The following ZCCHC4 variants were observed in gnomAD, a reference collection of about 807,000 sequenced individuals.
ZCCHC4 encodes the protein zinc finger CCHC-type containing 4, also known as rRNA N(6)-adenosine-methyltransferase ZCCHC4.
Under a neutral mutation model 67.7 loss-of-function variants are expected in ZCCHC4, and 54 were observed. The observed-to-expected ratio is 0.80, with a 90% CI of 0.64 to 1.00. ZCCHC4 has a LOEUF of 1.00. Ranked by LOEUF, ZCCHC4 falls within the 50% of genes least tolerant of loss-of-function variation. ZCCHC4 has a pLI of 0.00. For synonymous variants in ZCCHC4, 198 were observed against 213.5 expected (o/e 0.93, Z 0.63); for missense variants, 609 against 617.0 (o/e 0.99, Z 0.14).
chr4:25,343,223 A>G (rs918931089), intron 5 of ZCCHC4, among the ~76,000 whole-genome samples: 1 of 152,188 alleles, frequency 6.6e-6, no homozygotes, highest in Non-Finnish European at 1.5e-5. Flanking sequence ...TCATTAGGTT[A>G]CGGTATATAG....
chr4:25,365,777 T>C, intron 12 of ZCCHC4: 1 of 985,442 alleles, frequency 1.0e-6, no homozygotes, highest in Non-Finnish European at 1.2e-6. Context: ...GACAATAGCT[T>C]ATTTAGAAGA....
rs1265102093 is a variant in ZCCHC4 at position 25,315,332 on chromosome 4, A to C, written c.261A>C (p.Arg87Ser). Residue 87 changes from arginine (R) to serine (S), a missense_variant, in exon 3 of 13, where the codon AGA (arginine) becomes AGC (serine). Physicochemically the swap from Arg to Ser is moderately radical, Grantham distance 110. Transcript: ENST00000302874. The part of the protein sequence containing the change: ...QWEDEKLSGA[R>S]LAAREAHNRR... ...CTCTCTTTCAGTTGTCAGGAGCTAGACTTGCTGCCCGAGAAGCTCATAACC... is the reference window on the plus strand; with the variant it reads ...CTCTCTTTCAGTTGTCAGGAGCTAGCCTTGCTGCCCGAGAAGCTCATAACC... 13 of 1,612,718 alleles carry C rather than the reference A, an allele frequency of 8.1e-6. No homozygotes were observed. Among genetic ancestry groups the C allele is most frequent in the Non-Finnish European group, 1.1e-5 (13 of 1,179,268 alleles).
At chr4:25,350,892 A>C (rs548820316) in intron 7 of ZCCHC4, among the ~76,000 whole-genome samples, 1 of 152,246 alleles carries the variant, frequency 6.6e-6, no homozygotes, top group East Asian at 1.9e-4. Flanking sequence ...CAGTTTCCCT[A>C]TCTGTAAAAT....
chr4:25,349,596 T>A lies in ZCCHC4; in HGVS notation c.864T>A (p.Ile288=). The A allele has an allele frequency of 6.2e-7, 1 of 1,613,990 alleles. No individual in the cohort carries two copies. The highest frequency in any genetic ancestry group is 8.5e-7 in the Non-Finnish European group (1 of 1,179,888). ...PFGGLVEPLA[I]TFKKLIAMWK... ...GTGGCTTGGTTGAACCTCTGGCTAT[T>A]ACATTCAAGAAGTTAATTGCTATGT... The change falls in exon 7 of 13, where the codon ATT becomes ATA. Residue 288 remains isoleucine, a synonymous_variant. Transcript: ENST00000302874.
chr4:25,351,714 G>T, intron 8 of ZCCHC4, 25 bp downstream of exon 8: 1 of 1,550,856 alleles, frequency 6.4e-7, no homozygotes, highest in Non-Finnish European at 8.8e-7. Flanking sequence ...CTGTTTTCTG[G>T]CATGGTTGGG....
In ZCCHC4 at chr4:25,369,156, G is replaced by A. The variant is rs1721055096; in HGVS notation, c.1534G>A (p.Gly512Ser). The A allele has an allele frequency of 6.2e-7, 1 of 1,610,678 alleles. No homozygotes were observed. Among genetic ancestry groups the A allele is most frequent in the Non-Finnish European group, 8.5e-7 (1 of 1,179,242 alleles). ...KRRERAHQYL[G>S]S is the part of the protein sequence containing the mutation. Reference sequence around the variant, plus strand: ...GAGGGAAAGAGCCCATCAATATCTTGGCTCTTAAATGTCCAGTGACTGGAG... The same window carrying A: ...GAGGGAAAGAGCCCATCAATATCTTAGCTCTTAAATGTCCAGTGACTGGAG... The change falls in exon 13 of 13, where the codon GGC (glycine) becomes AGC (serine). Residue 512 changes from glycine (G) to serine (S), a missense_variant. Physicochemically the swap from Gly to Ser is moderately conservative, Grantham distance 56. Transcript: ENST00000302874.
intron 3 of ZCCHC4, among the ~76,000 whole-genome samples, chr4:25,320,837 A>G (rs1198906551): frequency 2.0e-5 from 3 of 152,232 alleles, no homozygotes; most frequent in Admixed American, 6.5e-5. Context: ...ACAAGGCACA[A>G]AGATGTATCA....
At chr4:25,345,223 C>T (rs1203001676) in intron 5 of ZCCHC4, among the ~76,000 whole-genome samples, 5 of 152,156 alleles carry the variant, frequency 3.3e-5, no homozygotes. Context: ...ATCTTAATTG[C>T]CAACCCATTG....
In ZCCHC4 at chr4:25,349,556, CGGATCCTCCGT is replaced by C; in HGVS notation, c.825_835del (p.Asp276TrpfsTer5). On this transcript the variant is annotated frameshift_variant, in exon 7 of 13. Transcript: ENST00000302874. LOFTEE classifies it high-confidence loss of function. ...AAAGGCGAAGGAATCATTATGGTGA[CGGATCCTCCGT>C]TTGGTGGCTTGGTTGAACCTCTGGC... 2.5e-6 allele frequency: 4 copies of C among 1,614,010 alleles called. No individual in the cohort carries two copies. The highest frequency in any genetic ancestry group is 3.4e-6 in the Non-Finnish European group (4 of 1,179,926).
intron 3 of ZCCHC4, among the ~76,000 whole-genome samples, chr4:25,319,522 A>G (rs772746850): frequency 7.9e-5 from 12 of 152,202 alleles, no homozygotes; most frequent in Non-Finnish European, 1.5e-4. Context: ...TAGAAATTTA[A>G]TATCATTGAT....
chr4:25,361,656 A>G (rs1033036139), intron 8 of ZCCHC4: 16 of 550,334 alleles, frequency 2.9e-5, no homozygotes, highest in Admixed American at 1.0e-4. Flanking sequence ...GAAACTGTCT[A>G]TGATCCTTGA....
At chr4:25,347,403 A>G (rs377717611) in intron 6 of ZCCHC4, among the ~76,000 whole-genome samples, 25 of 152,372 alleles carry the variant, frequency 1.6e-4, no homozygotes, top group African/African-American at 5.5e-4. Flanking sequence ...TAATGGTTGG[A>G]ATAAGCTGCC....
intron 3 of ZCCHC4, among the ~76,000 whole-genome samples, chr4:25,319,646 C>A (rs1461445354): frequency 6.6e-6 from 1 of 151,958 alleles, no homozygotes; most frequent in Non-Finnish European, 1.5e-5. Flanking sequence ...GATAAAGAGT[C>A]CTATTATAAT....
intron 5 of ZCCHC4, 78 bp downstream of exon 5, chr4:25,334,066 A>T: frequency 1.0e-6 from 1 of 957,104 alleles, no homozygotes; most frequent in South Asian, 2.1e-5. Flanking sequence ...AATTGTTTAT[A>T]CTCTGTTACA....
At chr4:25,349,060 A>G (rs1196474079) in intron 6 of ZCCHC4, among the ~76,000 whole-genome samples, 2 of 152,162 alleles carry the variant, frequency 1.3e-5, no homozygotes, top group Non-Finnish European at 2.9e-5. Flanking sequence ...ATTAAACTGA[A>G]CTCATGGCAT....
At chr4:25,337,980 A>C (rs1719542104) in intron 5 of ZCCHC4, among the ~76,000 whole-genome samples, 1 of 152,208 alleles carries the variant, frequency 6.6e-6, no homozygotes, top group African/African-American at 2.4e-5. Flanking sequence ...AATGATCTTT[A>C]ATTCTGCCAT....
At chr4:25,349,962 C>T (rs1020051281) in intron 7 of ZCCHC4, among the ~76,000 whole-genome samples, 3 of 152,100 alleles carry the variant, frequency 2.0e-5, no homozygotes, top group African/African-American at 7.2e-5. Context: ...GTGTGCCAGG[C>T]ACTGTTTAGG....
intron 2 of ZCCHC4, 148 bp from the exon 3 acceptor site, chr4:25,315,170 C>T: frequency 1.6e-6 from 1 of 612,170 alleles, no homozygotes; most frequent in Non-Finnish European, 2.7e-6. Flanking sequence ...TAGAATTTTC[C>T]CAGTTTTCGC....
intron 1 of ZCCHC4, among the ~76,000 whole-genome samples, chr4:25,313,563 G>A (rs912066030): frequency 6.6e-6 from 1 of 152,218 alleles, no homozygotes; most frequent in African/African-American, 2.4e-5. Flanking sequence ...TGTTGTAACA[G>A]AGAGAAAAGA....
Sources: allele counts gnomAD v4.1 joint callset (sites outside exome capture counted in the v4.1 genomes callset), GRCh38; gene constraint gnomAD v4.1.1; transcripts MANE v1.5; gene names NCBI Gene and HGNC (gene_info 2026-07-23, HGNC 2026-07-21).